Variants in PPARGC1A observed in about 807,000 individuals in gnomAD.
The protein encoded by PPARGC1A is PPARG coactivator 1 alpha, also known as peroxisome proliferator-activated receptor gamma coactivator 1-alpha.
A neutral mutation model predicts 88.7 loss-of-function variants in PPARGC1A; 25 were observed. The observed-to-expected ratio is 0.28, with a 90% CI of 0.21 to 0.39. The LOEUF is 0.39. Among genes scored for constraint, PPARGC1A ranks in the 10% least tolerant of loss-of-function variants. PPARGC1A has a pLI of 1.00. For synonymous variants in PPARGC1A, 363 were observed against 355.6 expected (o/e 1.02, Z -0.24); for missense variants, 880 against 968.7 (o/e 0.91, Z 1.22).
chr4:24,200,866 C>T, the PPARGC1A span, among the ~76,000 whole-genome samples: 3,027 of 152,156 alleles, frequency 0.02, 43 homozygotes, highest in East Asian at 0.057. Flanking sequence ...AATCTATGAC[C>T]TCATTTGTAT....
chr4:24,062,879 C>A, the PPARGC1A span, among the ~76,000 whole-genome samples: 442 of 152,278 alleles, frequency 2.9e-3, 1 homozygote, highest in Middle Eastern at 0.017. Flanking sequence ...TTTTCCTAGG[C>A]ATAGATGATC....
chr4:24,258,799 T>C, the PPARGC1A span, among the ~76,000 whole-genome samples: 6 of 150,932 alleles, frequency 4.0e-5, no homozygotes, highest in East Asian at 1.2e-3. Flanking sequence ...TAGAAGGGTG[T>C]ATTTTTAACA....
At chr4:24,334,628 A>AGGTTT in the PPARGC1A span, among the ~76,000 whole-genome samples, 1 of 152,034 alleles carries the variant, frequency 6.6e-6, no homozygotes, top group Non-Finnish European at 1.5e-5. Context: ...CTGTTTTCCG[A>AGGTTT]GGTTTTGTTT....
chr4:24,406,198 G>T, the PPARGC1A span, among the ~76,000 whole-genome samples: 24 of 152,260 alleles, frequency 1.6e-4, no homozygotes, highest in Middle Eastern at 3.4e-3. Flanking sequence ...AAATACTCTC[G>T]CCCTGGGTGG....
the PPARGC1A span, among the ~76,000 whole-genome samples, chr4:24,233,753 T>TAA: frequency 1.4e-5 from 2 of 148,120 alleles, no homozygotes; most frequent in East Asian, 3.9e-4. Flanking sequence ...TCACACAGGT[T>TAA]AAAAAAAAAA....
the PPARGC1A span, among the ~76,000 whole-genome samples, chr4:23,939,064 T>C: frequency 2.0e-5 from 3 of 152,182 alleles, no homozygotes; most frequent in Non-Finnish European, 4.4e-5. Flanking sequence ...TGTTGCTTTT[T>C]AGCATTCTGT....
chr4:24,104,895 G>A, the PPARGC1A span, among the ~76,000 whole-genome samples: 1 of 152,162 alleles, frequency 6.6e-6, no homozygotes, highest in Admixed American at 6.5e-5. Flanking sequence ...TTCACCAGCT[G>A]TGTAACTTTG....
chr4:24,295,766 T>C, the PPARGC1A span, among the ~76,000 whole-genome samples: 2 of 150,724 alleles, frequency 1.3e-5, no homozygotes, highest in East Asian at 3.9e-4. Context: ...TATATATGTA[T>C]TACACACTGC....
chr4:24,058,767 G>T, the PPARGC1A span, among the ~76,000 whole-genome samples: 1 of 152,112 alleles, frequency 6.6e-6, no homozygotes, highest in African/African-American at 2.4e-5. Context: ...CCAACATGGA[G>T]AAACCTCGTC....
chr4:24,142,695 A>C, the PPARGC1A span, among the ~76,000 whole-genome samples: 2 of 151,886 alleles, frequency 1.3e-5, no homozygotes, highest in Admixed American at 1.3e-4. Context: ...AATAAATAAA[A>C]ATGGGGAGGG....
At chr4:24,388,397 T>G in the PPARGC1A span, among the ~76,000 whole-genome samples, 296 of 152,320 alleles carry the variant, frequency 1.9e-3, 3 homozygotes, top group African/African-American at 6.6e-3. Context: ...TGAACCATTG[T>G]GGAAGACAAT....
chr4:24,024,587 A>T, the PPARGC1A span, among the ~76,000 whole-genome samples: 2 of 152,184 alleles, frequency 1.3e-5, no homozygotes, highest in Non-Finnish European at 2.9e-5. Flanking sequence ...GATGGGCAGC[A>T]ATTTAGATCC....
chr4:24,356,269 G>C, the PPARGC1A span, among the ~76,000 whole-genome samples: 10 of 152,014 alleles, frequency 6.6e-5, no homozygotes, highest in African/African-American at 2.2e-4. Context: ...ATTGCACAGG[G>C]GAAGCTACAG....
the PPARGC1A span, among the ~76,000 whole-genome samples, chr4:23,916,559 C>T: frequency 2.6e-5 from 4 of 151,912 alleles, no homozygotes; most frequent in Non-Finnish European, 5.9e-5. Context: ...GCTCTGAAAC[C>T]TGCTTTTTTA....
At chr4:24,387,746 A>AGAG in the PPARGC1A span, among the ~76,000 whole-genome samples, 188 of 61,082 alleles carry the variant, frequency 3.1e-3, 1 homozygote, top group Non-Finnish European at 4.5e-3. Context: ...GAAAGAAAGA[A>AGAG]AGAGAGAGAG....
the PPARGC1A span, among the ~76,000 whole-genome samples, chr4:24,416,890 G>T: frequency 1.3e-5 from 2 of 152,160 alleles, no homozygotes; most frequent in Admixed American, 6.5e-5. Flanking sequence ...AATTAGCCAG[G>T]CATGGTGGCG....
At chr4:24,182,017 T>C in the PPARGC1A span, among the ~76,000 whole-genome samples, 1 of 152,174 alleles carries the variant, frequency 6.6e-6, no homozygotes, top group Non-Finnish European at 1.5e-5. Flanking sequence ...AGTTCTAGGA[T>C]ACATGTGCAG....
chr4:24,406,508 G>A, the PPARGC1A span, among the ~76,000 whole-genome samples: 1 of 152,204 alleles, frequency 6.6e-6, no homozygotes, highest in Admixed American at 6.5e-5. Flanking sequence ...GCTGATTTAA[G>A]TCACTCAGTG....
chr4:23,858,686 T>C (rs981021520), intron 2 of PPARGC1A, among the ~76,000 whole-genome samples: 36 of 152,192 alleles, frequency 2.4e-4, no homozygotes, highest in Non-Finnish European at 3.7e-4. Context: ...TATGTGAATA[T>C]TGGAAGTCTG....
Sources: allele counts gnomAD v4.1 joint callset (sites outside exome capture counted in the v4.1 genomes callset), GRCh38; gene constraint gnomAD v4.1.1; transcripts MANE v1.5; gene names NCBI Gene and HGNC (gene_info 2026-07-23, HGNC 2026-07-21).